Variants in ITGA9 observed in about 807,000 individuals in gnomAD.
The protein encoded by ITGA9 is integrin subunit alpha 9.
A neutral mutation model predicts 127.8 loss-of-function variants in ITGA9; 56 were observed. The ratio of observed to expected loss-of-function variants is 0.44; its 90% CI spans 0.35 to 0.55. The LOEUF (loss-of-function observed/expected upper bound fraction) is 0.55, where lower values mean the gene tolerates loss of function less well. ITGA9 is among the 20% of genes least tolerant of loss of function. The pLI, the probability that ITGA9 is intolerant of heterozygous loss-of-function variation, is 0.00. For synonymous variants in ITGA9, 508 were observed against 514.5 expected, an observed-to-expected ratio of 0.99 and a Z score of 0.17; for missense variants, 1,196 against 1,347.1, an observed-to-expected ratio of 0.89 and a Z score of 1.76.
chr3:37,620,002 G>T (rs373542316), intron 15 of ITGA9, among the ~76,000 whole-genome samples: 1 of 152,114 alleles, frequency 6.6e-6, no homozygotes, highest in Non-Finnish European at 1.5e-5. Flanking sequence ...ACTTGAGTAG[G>T]CCAATTCACG....
intron 2 of ITGA9, 81 bp downstream of exon 2, chr3:37,471,215 C>A: frequency 1.3e-6 from 2 of 1,485,978 alleles, no homozygotes; most frequent in South Asian, 1.1e-5. Context: ...ATGGCCTGAT[C>A]ATTCACTCAC....
chr3:37,455,659 C>T (rs1027376420), intron 1 of ITGA9, among the ~76,000 whole-genome samples: 2 of 152,210 alleles, frequency 1.3e-5, no homozygotes, highest in East Asian at 1.9e-4. Context: ...TCTTACGTCT[C>T]TCTTCTCGAA....
chr3:37,503,230 A>G lies in ITGA9; in HGVS notation c.665A>G (p.Lys222Arg). Reference protein sequence around the residue: ...PGSFYWAGTIKVLNLTDNTYL... With the variant: ...PGSFYWAGTIRVLNLTDNTYL... ...TCATTTTATTGGGCTGGAACCATCA[A>G]AGTGCTGAACCTTACGGACAACACC... Residue 222 changes from lysine to arginine, a missense_variant, in exon 6 of 28, where the codon AAA (lysine) becomes AGA (arginine). Physicochemically the swap from Lys to Arg is conservative, Grantham distance 26. Transcript: ENST00000264741. 6.2e-7 allele frequency: 1 copy of G among 1,614,126 alleles called. No homozygotes were observed. Among genetic ancestry groups the G allele is most frequent in the Non-Finnish European group, 8.5e-7 (1 of 1,179,994 alleles).
intron 17 of ITGA9, among the ~76,000 whole-genome samples, chr3:37,659,838 T>C (rs1374257838): frequency 1.3e-5 from 2 of 152,158 alleles, no homozygotes; most frequent in Non-Finnish European, 1.5e-5. Flanking sequence ...TTGGTCTTTA[T>C]GTTGGTGACT....
intron 11 of ITGA9, among the ~76,000 whole-genome samples, chr3:37,521,960 A>G (rs1447515296): frequency 6.6e-6 from 1 of 152,148 alleles, no homozygotes; most frequent in African/African-American, 2.4e-5. Flanking sequence ...GATGGCAAGC[A>G]GCCTTCTCTG....
At chr3:37,656,398 G>A (rs1700478052) in intron 17 of ITGA9, among the ~76,000 whole-genome samples, 1 of 152,098 alleles carries the variant, frequency 6.6e-6, no homozygotes, top group South Asian at 2.1e-4. Flanking sequence ...CTCTTGAAGA[G>A]GTCCTTCACA....
At chr3:37,760,404 G>A (rs1696710387) in intron 23 of ITGA9, among the ~76,000 whole-genome samples, 1 of 152,076 alleles carries the variant, frequency 6.6e-6, no homozygotes. Context: ...AGAACAGAAG[G>A]AAAAAAGAAT....
intron 18 of ITGA9, among the ~76,000 whole-genome samples, chr3:37,716,253 A>G (rs1575206159): frequency 6.6e-6 from 1 of 152,174 alleles, no homozygotes; most frequent in African/African-American, 2.4e-5. Context: ...ATGGTTGTGC[A>G]TGGTAGAGAC....
Position 37,599,253 on chromosome 3 carries a change from T to C in ITGA9, c.1690-29934T>C, listed in dbSNP as rs549454015. ...AGTCTCTGGGTTAGCTGGATAGTTC[T>C]GCTGATCTGGGTGGGGCGTGGCTGA... On this transcript the variant is annotated intron_variant, in intron 15 of 27. Transcript: ENST00000264741. Among the ~76,000 whole-genome samples, 337 of 152,350 alleles carry C rather than the reference T, an allele frequency of 2.2e-3. 1 individual carries two copies. Among genetic ancestry groups the C allele is most frequent in the African/African-American group, 7.9e-3 (327 of 41,592 alleles).
chr3:37,639,839 T>C (rs1700315215), intron 16 of ITGA9, among the ~76,000 whole-genome samples: 1 of 152,064 alleles, frequency 6.6e-6, no homozygotes, highest in Non-Finnish European at 1.5e-5. Flanking sequence ...TGGAACTAAA[T>C]GAAACAATCA....
chr3:37,561,344 C>A (rs769056859), intron 15 of ITGA9, among the ~76,000 whole-genome samples: 34 of 152,066 alleles, frequency 2.2e-4, no homozygotes, highest in African/African-American at 7.3e-4. Flanking sequence ...TAGTGGTGAC[C>A]GTATCAGACA....
intron 24 of ITGA9, among the ~76,000 whole-genome samples, 160 bp downstream of exon 24, chr3:37,777,677 A>C (rs1696925003): frequency 1.3e-5 from 2 of 152,220 alleles, no homozygotes; most frequent in African/African-American, 4.8e-5. Flanking sequence ...CTGAGGTTTC[A>C]ATCAAAATGT....
At chr3:37,545,472 C>G (rs1184671862) in intron 15 of ITGA9, among the ~76,000 whole-genome samples, 1 of 152,178 alleles carries the variant, frequency 6.6e-6, no homozygotes, top group East Asian at 1.9e-4. Context: ...GTTTTCCAGG[C>G]TAACTGTCTT....
At chr3:37,784,042 C>G (rs1031396307) in intron 25 of ITGA9, among the ~76,000 whole-genome samples, 6 of 152,238 alleles carry the variant, frequency 3.9e-5, no homozygotes, top group Non-Finnish European at 7.3e-5. Flanking sequence ...GCATGACAGG[C>G]AAGCTGGGTA....
chr3:37,779,204 A>G lies in ITGA9; in HGVS notation c.2668-698A>G, dbSNP rs894508572. Among the ~76,000 whole-genome samples, 4 of 152,138 alleles carry G rather than the reference A, an allele frequency of 2.6e-5. No individual in the cohort carries two copies. In the East Asian group the frequency reaches 7.7e-4, roughly 29 times the overall value. ...ACTGCAGCTTCTGCCTCTCGGGTTC[A>G]TGCAGTTCTCCCGCCTCAGCCTCCC... On this transcript the variant is annotated intron_variant, in intron 24 of 27. Transcript: ENST00000264741.
At chr3:37,589,888 A>G (rs1310879263) in intron 15 of ITGA9, among the ~76,000 whole-genome samples, 1 of 152,142 alleles carries the variant, frequency 6.6e-6, no homozygotes, top group Admixed American at 6.5e-5. Context: ...GACAAATGAC[A>G]TGACCTTCTG....
chr3:37,517,525 G>T lies in ITGA9; in HGVS notation c.1057G>T (p.Ala353Ser). Residue 353 changes from alanine (A) to serine (S), a missense_variant, in exon 10 of 28, where the codon GCT (alanine) becomes TCT (serine). Physicochemically the swap from Ala to Ser is moderately conservative, Grantham distance 99. Transcript: ENST00000264741. ...RGNGALEEQL[A>S]LTGDGAYNAH... ...CCAGGGAGCCCTCGAGGAGCAGCTG[G>T]CTCTGACTGGGGATGGTGCCTACAA... The T allele has an allele frequency of 6.3e-7, 1 of 1,596,536 alleles. No homozygotes were observed. The highest frequency in any genetic ancestry group is 1.3e-5 in the African/African-American group (1 of 74,806).
intron 18 of ITGA9, among the ~76,000 whole-genome samples, chr3:37,699,105 C>T (rs748822719): frequency 3.9e-5 from 6 of 152,182 alleles, no homozygotes; most frequent in Non-Finnish European, 8.8e-5. Context: ...ATCTTGCCAA[C>T]CTTTCAACAT....
At position 37,823,476 on chromosome 3, in the gene ITGA9, A is replaced by C. The variant is rs917172259; in HGVS notation, c.*4487A>C. 2.6e-5 allele frequency: 4 copies of C among 152,242 alleles called. No homozygotes were observed. Among genetic ancestry groups the C allele is most frequent in the Admixed American group, 2.0e-4 (3 of 15,282 alleles). The allele number at this position is 152,242 out of a possible 1,614,324, so 9.4% of individuals were successfully genotyped here. ...GGAAATGTCAGGTTTACAAAAACAT[A>C]CATGTTTGGAATAAAAAATGGCTGC... On this transcript the variant is annotated 3_prime_UTR_variant, in exon 28 of 28. Coordinates refer to ENST00000264741, the MANE Select transcript of ITGA9 (RefSeq NM_002207.3).
Sources: gnomAD v4.1 joint callset for allele counts (sites outside exome capture counted in the v4.1 genomes callset) on GRCh38, gnomAD v4.1.1 for gene constraint, MANE v1.5 for transcripts, NCBI Gene and HGNC (gene_info 2026-07-23, HGNC 2026-07-21) for gene names.